Variants in PTBP3 observed in about 807,000 individuals in gnomAD.
PTBP3 encodes the protein polypyrimidine tract-binding protein 3.
A neutral mutation model predicts 58.7 loss-of-function variants in PTBP3; 20 were observed. The observed-to-expected ratio is 0.34, with a 90% confidence interval of 0.24 to 0.50. The LOEUF is 0.50. Among genes scored for constraint, PTBP3 ranks in the 20% least tolerant of loss-of-function variants. PTBP3 has a pLI of 0.98. For missense variants in PTBP3, 509 were observed against 637.2 expected (o/e 0.80, Z 2.17); for synonymous variants, 185 against 219.8 (o/e 0.84, Z 1.40).
chr9:112,274,164 G>C (rs897309570), intron 3 of PTBP3, among the ~76,000 whole-genome samples: 2 of 152,126 alleles, frequency 1.3e-5, no homozygotes, highest in Admixed American at 1.3e-4. Flanking sequence ...AAATATTAAG[G>C]CATGTTACTT....
intron 2 of PTBP3, among the ~76,000 whole-genome samples, chr9:112,277,385 T>TG: frequency 6.6e-6 from 1 of 152,164 alleles, no homozygotes; most frequent in East Asian, 1.9e-4. Context: ...CCCTTATCAA[T>TG]CACCAAGAAA....
chr9:112,303,346 C>A (rs1407758733), intron 1 of PTBP3, among the ~76,000 whole-genome samples: 1 of 152,116 alleles, frequency 6.6e-6, no homozygotes, highest in Non-Finnish European at 1.5e-5. Context: ...GTGTATGGTT[C>A]CAGAATGTTA....
At chr9:112,271,578 T>C (rs990461487) in intron 3 of PTBP3, among the ~76,000 whole-genome samples, 3 of 151,932 alleles carry the variant, frequency 2.0e-5, no homozygotes, top group African/African-American at 7.3e-5. Flanking sequence ...CACAAAAAAT[T>C]AGCCAGGTGT....
intron 2 of PTBP3, among the ~76,000 whole-genome samples, chr9:112,283,627 T>G (rs1827977583): frequency 6.6e-6 from 1 of 152,202 alleles, no homozygotes; most frequent in African/African-American, 2.4e-5. Context: ...ATCCATTTTC[T>G]GGGGAGAAAT....
intron 5 of PTBP3, among the ~76,000 whole-genome samples, chr9:112,261,954 A>G (rs1198407614): frequency 6.6e-6 from 1 of 152,214 alleles, no homozygotes; most frequent in Non-Finnish European, 1.5e-5. Flanking sequence ...AAGACAACTT[A>G]GATATAGCAA....
At chr9:112,339,649 T>C in the PTBP3 span, among the ~76,000 whole-genome samples, 2 of 151,290 alleles carry the variant, frequency 1.3e-5, no homozygotes, top group Non-Finnish European at 3.0e-5. Context: ...CTGCAACCTC[T>C]ACCTCCCAGG....
chr9:112,316,067 T>C lies in PTBP3; in HGVS notation c.-52+17403A>G, dbSNP rs79551983. ...ACATTGTTAACAATGGTAACTCTCATACATTAATAGACAGTACTCTGGAAC... is the reference window on the plus strand; with the variant it reads ...ACATTGTTAACAATGGTAACTCTCACACATTAATAGACAGTACTCTGGAAC... On this transcript the variant is annotated intron_variant, in intron 1 of 13. Coordinates refer to ENST00000374257, the MANE Select transcript of PTBP3 (RefSeq NM_001163788.4). Among the ~76,000 whole-genome samples the C allele has an allele frequency of 3.7e-4, 57 of 152,346 alleles. 1 individual carries two copies. The East Asian group carries it at 7.5e-3, about 20-fold the overall frequency.
intron 12 of PTBP3, among the ~76,000 whole-genome samples, chr9:112,226,967 G>C (rs1835014050): frequency 6.6e-6 from 1 of 152,164 alleles, no homozygotes; most frequent in Non-Finnish European, 1.5e-5. Context: ...ATAACGTTTA[G>C]CTTTTAAGTA....
intron 1 of PTBP3, among the ~76,000 whole-genome samples, chr9:112,312,518 C>CGT (rs1433022760): frequency 8.3e-6 from 1 of 121,042 alleles, no homozygotes; most frequent in South Asian, 2.7e-4. Context: ...AAAAAAAGGA[C>CGT]GTGTGTGTGT....
In PTBP3 at chr9:112,268,076, A is replaced by C. The variant is rs749657478; in HGVS notation, c.324T>G (p.Leu108=). Residue 108 remains leucine, a synonymous_variant, in exon 4 of 14, where the codon CTT becomes CTG. Coordinates refer to ENST00000374257, the MANE Select transcript of PTBP3 (RefSeq NM_001163788.4). Reference sequence around the variant, plus strand: ...CTTGATTAGGTAGATTGTCAGTCTTAAGTTCTCTGTGATTGGAATACTGAA... The same window carrying C: ...CTTGATTAGGTAGATTGTCAGTCTTCAGTTCTCTGTGATTGGAATACTGAA... ...VYIQYSNHRE[L]KTDNLPNQAR... The C allele has an allele frequency of 6.2e-7, 1 of 1,613,186 alleles. No individual in the cohort carries two copies. The highest frequency in any genetic ancestry group is 8.5e-7 in the Non-Finnish European group (1 of 1,179,590).
At chr9:112,377,579 T>C in the PTBP3 span, among the ~76,000 whole-genome samples, 1 of 152,160 alleles carries the variant, frequency 6.6e-6, no homozygotes, top group East Asian at 1.9e-4. Flanking sequence ...CCCCTTTAAT[T>C]TGGTTTAAAT....
Position 112,220,944 on chromosome 9 carries a change from A to C in PTBP3, c.*2907T>G. 3 of 963,300 alleles carry C rather than the reference A, an allele frequency of 3.1e-6. No individual in the cohort carries two copies. Among genetic ancestry groups the C allele is most frequent in the Non-Finnish European group, 3.7e-6 (3 of 809,854 alleles). 59.7% of individuals were successfully genotyped at this position (963,300 alleles called of 1,614,324 possible). On this transcript the variant is annotated 3_prime_UTR_variant, in exon 14 of 14. Coordinates refer to ENST00000374257, the MANE Select transcript of PTBP3 (RefSeq NM_001163788.4). ...AACCATTGCTAGAAGATACTGAATA[A>C]ATGCATGCCAAAACAGAGATACACA...
chr9:112,318,054 T>A (rs1316659582), intron 1 of PTBP3, among the ~76,000 whole-genome samples: 1 of 152,152 alleles, frequency 6.6e-6, no homozygotes, highest in Non-Finnish European at 1.5e-5. Flanking sequence ...CACCCATTAA[T>A]GTTACCAAAG....
At chr9:112,332,924 C>A (rs1416555989) in intron 1 of PTBP3, 2 of 1,549,546 alleles carry the variant, frequency 1.3e-6, no homozygotes, top group East Asian at 2.3e-5. Context: ...GGCCAAGTCC[C>A]GCGGCGGCCC....
intron 5 of PTBP3, among the ~76,000 whole-genome samples, chr9:112,260,000 T>C (rs894675926): frequency 1.3e-5 from 2 of 152,102 alleles, no homozygotes; most frequent in Non-Finnish European, 2.9e-5. Flanking sequence ...CTCAGCCTCC[T>C]GGGTACAAGT....
intron 2 of PTBP3, among the ~76,000 whole-genome samples, chr9:112,293,012 T>C (rs1828513421): frequency 6.6e-6 from 1 of 152,000 alleles, no homozygotes; most frequent in African/African-American, 2.4e-5. Flanking sequence ...ATAATTCAAA[T>C]ATCCACTGAT....
chr9:112,257,934 C>A (rs1352083544), intron 5 of PTBP3, among the ~76,000 whole-genome samples: 4 of 97,892 alleles, frequency 4.1e-5, no homozygotes, highest in South Asian at 3.3e-4. Flanking sequence ...GAGTGAGACT[C>A]CATCTCAAAA....
In PTBP3 at chr9:112,222,611, C is replaced by T. The variant is rs1438564885; in HGVS notation, c.*1240G>A. 7 of 985,644 alleles carry T rather than the reference C, an allele frequency of 7.1e-6. No individual in the cohort carries two copies. Among genetic ancestry groups the T allele is most frequent in the Non-Finnish European group, 8.4e-6 (7 of 829,904 alleles). 61.1% of individuals were successfully genotyped at this position (985,644 alleles called of 1,614,324 possible). On this transcript the variant is annotated 3_prime_UTR_variant, in exon 14 of 14. Coordinates refer to ENST00000374257, the MANE Select transcript of PTBP3 (RefSeq NM_001163788.4). Reference sequence around the variant, plus strand: ...TTCACCCTTCCCCACACCGTCTCTGCACCAAGCACCAAAAATTTGATAAAA... The same window carrying T: ...TTCACCCTTCCCCACACCGTCTCTGTACCAAGCACCAAAAATTTGATAAAA...
intron 8 of PTBP3, among the ~76,000 whole-genome samples, chr9:112,234,296 T>A (rs559608521): frequency 6.6e-6 from 1 of 152,308 alleles, no homozygotes; most frequent in East Asian, 1.9e-4. Flanking sequence ...ACAAAATATA[T>A]ATCCCCTGAA....
Sources: gnomAD v4.1 joint callset for allele counts (sites outside exome capture counted in the v4.1 genomes callset) on GRCh38, gnomAD v4.1.1 for gene constraint, MANE v1.5 for transcripts, NCBI Gene and HGNC (gene_info 2026-07-23, HGNC 2026-07-21) for gene names.